The following COL23A1 variants were observed in gnomAD, a reference collection of about 807,000 sequenced individuals.
The protein encoded by COL23A1 is collagen type XXIII alpha 1 chain.
Under a neutral mutation model 99.3 loss-of-function variants are expected in COL23A1, and 97 were observed. That is an observed-to-expected ratio of 0.98 (90% CI 0.83 to 1.16). COL23A1 has a LOEUF of 1.16. Ranked by LOEUF, COL23A1 falls within the 50% of genes most tolerant of loss-of-function variation. COL23A1 has a pLI of 0.00. For synonymous variants in COL23A1, 320 were observed against 308.2 expected (o/e 1.04, Z -0.40); for missense variants, 762 against 757.4 (o/e 1.01, Z -0.07).
rs1230617992 is a variant in COL23A1 at position 178,309,726 on chromosome 5, C to T, written c.362-2807G>A. Among the ~76,000 whole-genome samples the T allele has an allele frequency of 1.3e-5, 2 of 151,952 alleles. No individual in the cohort carries two copies. The highest frequency in any genetic ancestry group is 2.9e-5 in the Non-Finnish European group (2 of 67,978). On this transcript the variant is annotated intron_variant, in intron 2 of 28. Transcript: ENST00000390654. The surrounding 1 kb of genome is among the most constrained non-coding windows in gnomAD (Gnocchi z 4.7). ...GACCCCCCCCCGGGCATCATCCTGC[C>T]CCAGCCCCCAACCTGGACCCCTTCC...
intron 1 of COL23A1, among the ~76,000 whole-genome samples, chr5:178,574,299 T>A (rs1236449629): frequency 6.6e-6 from 1 of 152,198 alleles, no homozygotes; most frequent in East Asian, 1.9e-4. Context: ...ATTCTGTACT[T>A]ATTGGAGATG....
intron 2 of COL23A1, among the ~76,000 whole-genome samples, chr5:178,485,681 G>A (rs1333917521): frequency 2.7e-5 from 4 of 150,458 alleles, no homozygotes; most frequent in East Asian, 3.9e-4. Context: ...TCGGGAGGCT[G>A]AGAGGCAGGA....
intron 2 of COL23A1, among the ~76,000 whole-genome samples, chr5:178,426,678 G>A (rs950445958): frequency 3.0e-4 from 46 of 152,320 alleles, no homozygotes; most frequent in African/African-American, 1.1e-3. Flanking sequence ...CGGACTGTGA[G>A]ACAAGCCGCA....
At chr5:178,322,663 C>A (rs904167933) in intron 2 of COL23A1, among the ~76,000 whole-genome samples, 1 of 152,132 alleles carries the variant, frequency 6.6e-6, no homozygotes, top group African/African-American at 2.4e-5. Context: ...AGACATTAAA[C>A]TTCTCACACC....
chr5:178,299,013 G>GT lies in COL23A1; in HGVS notation c.406+7861dup, dbSNP rs570833266. 3.3e-5 allele frequency among the ~76,000 whole-genome samples: 5 copies of GT among 152,270 alleles called. No homozygotes were observed. In the East Asian group the frequency reaches 7.7e-4, roughly 24 times the overall value. The stretch of plus-strand genomic sequence containing the variant: ...TATTAAACCAACATTGAATTTTTGG[G>GT]TTAAATCCCACTTGGTTTATAATCC... On this transcript the variant is annotated intron_variant, in intron 3 of 28. Coordinates refer to ENST00000390654, the MANE Select transcript of COL23A1 (RefSeq NM_173465.4).
At chr5:178,377,734 C>T (rs1763154895) in intron 2 of COL23A1, among the ~76,000 whole-genome samples, 1 of 152,124 alleles carries the variant, frequency 6.6e-6, no homozygotes, top group East Asian at 1.9e-4. Flanking sequence ...CACCGGGAGG[C>T]CGAGAGAGCA....
rs933192292 is a variant in COL23A1, at chr5:178,306,804, C to T, written c.406+71G>A. ...AGGGTGGGCAGCAGGTGGCCAGGCCCTGCAGTCAGAGCCTGGGGCCATGGT... is the reference window on the plus strand; with the variant it reads ...AGGGTGGGCAGCAGGTGGCCAGGCCTTGCAGTCAGAGCCTGGGGCCATGGT... On this transcript the variant is annotated intron_variant, in intron 3 of 28. Transcript: ENST00000390654. The surrounding 1 kb of genome is among the most constrained non-coding windows in gnomAD (Gnocchi z 4.1). 5.8e-6 allele frequency: 7 copies of T among 1,215,894 alleles called. No individual in the cohort carries two copies. The highest frequency in any genetic ancestry group is 7.7e-6 in the Non-Finnish European group (7 of 909,054). 75.3% of individuals were successfully genotyped at this position (1,215,894 alleles called of 1,614,324 possible).
intron 2 of COL23A1, among the ~76,000 whole-genome samples, chr5:178,545,262 TCA>T (rs1478952929): frequency 6.6e-6 from 1 of 152,062 alleles, no homozygotes; most frequent in Non-Finnish European, 1.5e-5. Context: ...CCCACGCCCC[TCA>T]CAGTCTCAGG....
intron 22 of COL23A1, among the ~76,000 whole-genome samples, chr5:178,247,020 C>T (rs1171429099): frequency 6.6e-6 from 1 of 152,196 alleles, no homozygotes; most frequent in Non-Finnish European, 1.5e-5. Context: ...GGTGGCCTCC[C>T]CTTCTGTGTC....
chr5:178,452,060 A>G (rs1476824958), intron 2 of COL23A1, among the ~76,000 whole-genome samples: 2 of 152,186 alleles, frequency 1.3e-5, no homozygotes, highest in South Asian at 2.1e-4. Context: ...AAAAATTCCA[A>G]AAAGAAAAAT....
At chr5:178,531,159 G>C (rs1760626812) in intron 2 of COL23A1, among the ~76,000 whole-genome samples, 1 of 152,190 alleles carries the variant, frequency 6.6e-6, no homozygotes, top group African/African-American at 2.4e-5. Context: ...GAGCCACCGT[G>C]CCTGGCTGAA....
intron 2 of COL23A1, among the ~76,000 whole-genome samples, chr5:178,371,445 CGCGGG>C (rs1480165603): frequency 6.6e-6 from 1 of 152,150 alleles, no homozygotes; most frequent in Non-Finnish European, 1.5e-5. Context: ...GGATGGGCCT[CGCGGG>C]CTTGGTTCCA....
chr5:178,456,145 T>C (rs1767779446), intron 2 of COL23A1, among the ~76,000 whole-genome samples: 1 of 152,184 alleles, frequency 6.6e-6, no homozygotes, highest in Non-Finnish European at 1.5e-5. Flanking sequence ...TGGAAGATCC[T>C]CAAGTCATAT....
At chr5:178,520,459 C>T (rs944813156) in intron 2 of COL23A1, among the ~76,000 whole-genome samples, 1 of 152,142 alleles carries the variant, frequency 6.6e-6, no homozygotes, top group Admixed American at 6.5e-5. Context: ...AAAGCTAGGC[C>T]ATTTTGGACC....
intron 2 of COL23A1, among the ~76,000 whole-genome samples, chr5:178,451,487 C>T (rs368443331): frequency 6.6e-6 from 1 of 151,924 alleles, no homozygotes; most frequent in South Asian, 2.1e-4. Flanking sequence ...GAAACCCTGT[C>T]TCTATTAAAA....
chr5:178,584,283 T>G (rs1467937739), intron 1 of COL23A1, among the ~76,000 whole-genome samples: 1 of 150,664 alleles, frequency 6.6e-6, no homozygotes, highest in Admixed American at 6.6e-5. Context: ...GTGCTGGGAT[T>G]ACAGGTGTGA....
intron 2 of COL23A1, among the ~76,000 whole-genome samples, chr5:178,461,519 C>T (rs1168037882): frequency 6.6e-6 from 1 of 152,230 alleles, no homozygotes. Context: ...TCTGAAAGTA[C>T]AAACCATTTT....
chr5:178,353,863 G>A lies in COL23A1; in HGVS notation c.362-46944C>T, dbSNP rs79899180. On this transcript the variant is annotated intron_variant, in intron 2 of 28. Transcript: ENST00000390654. ...CAAAAAAAACTAGGACATTCCATGC[G>A]GGAGACAAAACATCTCAGATAGACC... Among the ~76,000 whole-genome samples the A allele has an allele frequency of 3.5e-3, 534 of 151,964 alleles. 3 individuals carry two copies. Among genetic ancestry groups the A allele is most frequent in the African/African-American group, 0.012 (511 of 41,442 alleles).
In COL23A1 at chr5:178,544,186, C is replaced by T. The variant is rs1325789953; in HGVS notation, c.361+16496G>A. 6.6e-6 allele frequency among the ~76,000 whole-genome samples: 1 copy of T among 152,150 alleles called. No homozygotes were observed. The highest frequency in any genetic ancestry group is 1.5e-5 in the Non-Finnish European group (1 of 68,026). ...CACTCTTCCCACCTGAGTTTATCAC[C>T]CCACACAGTCCCCTCCCATGCAACC... On this transcript the variant is annotated intron_variant, in intron 2 of 28. Coordinates refer to ENST00000390654, the MANE Select transcript of COL23A1 (RefSeq NM_173465.4). The surrounding 1 kb of genome is among the most constrained non-coding windows in gnomAD (Gnocchi z 4.4).
Sources: gnomAD v4.1 joint callset for allele counts (sites outside exome capture counted in the v4.1 genomes callset) on GRCh38, gnomAD v4.1.1 for gene constraint, Gnocchi (gnomAD v3.1) non-coding constraint, MANE v1.5 for transcripts, NCBI Gene and HGNC (gene_info 2026-07-23, HGNC 2026-07-21) for gene names.